Variants in ASB15 observed in about 807,000 individuals in gnomAD.
ASB15 encodes ankyrin repeat and SOCS box containing 15.
ASB15 carries 54 observed loss-of-function variants against 58.0 expected under a neutral mutation model. That is an observed-to-expected ratio of 0.93 (90% confidence interval 0.75 to 1.17). The LOEUF is 1.17. ASB15 is among the 50% of genes most tolerant of loss of function. The pLI is 0.00. For missense variants in ASB15, 680 were observed against 707.4 expected (o/e 0.96, Z 0.44); for synonymous variants, 249 against 262.4 (o/e 0.95, Z 0.50).
At chr7:123,631,537 C>CT (rs1020843263) in intron 11 of ASB15, among the ~76,000 whole-genome samples, 12 of 152,110 alleles carry the variant, frequency 7.9e-5, no homozygotes, top group African/African-American at 2.9e-4. Flanking sequence ...TTGAAAACCA[C>CT]TTCTCTAAGT....
chr7:123,629,019 T>A lies in ASB15; in HGVS notation c.1025T>A (p.Ile342Asn), dbSNP rs778041976. ...GTCAACACTCTACTTGCTGACCACA[T>A]TTCCCAGAGCTATGACGATGAGAGG... is the stretch of plus-strand genomic sequence containing the variant. ...FDVNTLLADH[I>N]SQSYDDERKT... Residue 342 changes from isoleucine to asparagine, a missense_variant, in exon 10 of 12, where the codon ATT becomes AAT. Ile to Asn is a moderately radical substitution (Grantham distance 149). Coordinates refer to ENST00000451215, the MANE Select transcript of ASB15 (RefSeq NM_001290258.2). 5 of 1,613,846 alleles carry A rather than the reference T, an allele frequency of 3.1e-6. No homozygotes were observed. Among genetic ancestry groups the A allele is most frequent in the Middle Eastern group, 1.6e-4 (1 of 6,084 alleles).
chr7:123,593,311 A>G (rs1212491284), intron 1 of ASB15, among the ~76,000 whole-genome samples: 2 of 152,174 alleles, frequency 1.3e-5, no homozygotes, highest in East Asian at 3.9e-4. Flanking sequence ...TGATCCTGCC[A>G]TTATAATGTT....
intron 11 of ASB15, among the ~76,000 whole-genome samples, chr7:123,636,370 C>T (rs1309591967): frequency 6.6e-6 from 1 of 152,114 alleles, no homozygotes. Context: ...TTGGATTATT[C>T]ATGATCTATG....
intron 1 of ASB15, among the ~76,000 whole-genome samples, chr7:123,573,434 T>G (rs889636920): frequency 1.3e-5 from 2 of 152,044 alleles, no homozygotes; most frequent in East Asian, 3.9e-4. Context: ...AAGTCTTATT[T>G]GTTTATGTAT....
intron 4 of ASB15, 132 bp downstream of exon 4, chr7:123,614,741 A>C: frequency 1.5e-6 from 1 of 689,044 alleles, no homozygotes; most frequent in Admixed American, 2.6e-5. Context: ...GGAATCTAAC[A>C]GCTTTCCAAG....
At chr7:123,579,734 A>G (rs947482584) in intron 1 of ASB15, among the ~76,000 whole-genome samples, 16 of 152,080 alleles carry the variant, frequency 1.1e-4, no homozygotes, top group African/African-American at 3.9e-4. Flanking sequence ...CTTTATTAGA[A>G]ACAAATCTAT....
intron 1 of ASB15, among the ~76,000 whole-genome samples, chr7:123,570,222 G>C (rs1174646184): frequency 6.6e-6 from 1 of 151,804 alleles, no homozygotes; most frequent in Non-Finnish European, 1.5e-5. Flanking sequence ...TTTTTTAGTA[G>C]AGACGGGGTT....
At position 123,637,487 on chromosome 7, in the gene ASB15, T is replaced by C. The variant is rs1802483136; in HGVS notation, c.*506T>C. 6.5e-6 allele frequency: 1 copy of C among 153,024 alleles called. No individual in the cohort carries two copies. Among genetic ancestry groups the C allele is most frequent in the Non-Finnish European group, 1.5e-5 (1 of 68,486 alleles). The allele number at this position is 153,024 out of a possible 1,614,324, so 9.5% of individuals were successfully genotyped here. ...TTCAGTCCCTCTTCCAATCGATTCC[T>C]ACAGCATCTAACATTGTTGCCTGTT... On this transcript the variant is annotated 3_prime_UTR_variant, in exon 12 of 12. Coordinates refer to ENST00000451215, the MANE Select transcript of ASB15 (RefSeq NM_001290258.2).
intron 1 of ASB15, among the ~76,000 whole-genome samples, chr7:123,568,255 G>A (rs1798811747): frequency 6.6e-6 from 1 of 152,166 alleles, no homozygotes; most frequent in South Asian, 2.1e-4. Context: ...GCTCACGCCT[G>A]TAATCCCAGC....
chr7:123,613,149 T>C (rs925869879), intron 3 of ASB15, among the ~76,000 whole-genome samples: 7 of 152,092 alleles, frequency 4.6e-5, no homozygotes, highest in African/African-American at 1.2e-4. Context: ...AATATTGCCA[T>C]TGAGTTCATG....
chr7:123,604,000 A>C (rs994607087), intron 1 of ASB15, 32 bp from the exon 2 acceptor site: 1 of 152,370 alleles, frequency 6.6e-6, no homozygotes. Context: ...TGTCACTTTT[A>C]GAAAGAAATG....
intron 1 of ASB15, among the ~76,000 whole-genome samples, chr7:123,590,170 TG>T (rs1175363016): frequency 1.3e-5 from 2 of 152,298 alleles, no homozygotes; most frequent in African/African-American, 4.8e-5. Context: ...TGGGGTTGTT[TG>T]TTTTTTTTCC....
chr7:123,577,211 T>A (rs2116300318), intron 1 of ASB15, among the ~76,000 whole-genome samples: 2 of 152,302 alleles, frequency 1.3e-5, no homozygotes, highest in Middle Eastern at 6.8e-3. Flanking sequence ...TCTTCCATTG[T>A]TGAGTTTTTC....
rs114478107 is a variant in ASB15 at position 123,610,598 on chromosome 7, A to G, written c.-3+1944A>G. On this transcript the variant is annotated intron_variant, in intron 3 of 11. Transcript: ENST00000451215. ...AACATGAAAAAACCTCTGAGATTCC[A>G]TAAGTTCCCTAAAATCGCATGCAAA... Among the ~76,000 whole-genome samples the G allele has an allele frequency of 4.0e-3, 610 of 152,320 alleles. 8 individuals are homozygous for G. The highest frequency in any genetic ancestry group is 0.014 in the African/African-American group (574 of 41,562).
rs770583211 is a variant in ASB15, at chr7:123,617,734, A to G, written c.448A>G (p.Ile150Val). 6.2e-7 allele frequency: 1 copy of G among 1,606,052 alleles called. No individual in the cohort carries two copies. Among genetic ancestry groups the G allele is most frequent in the South Asian group, 1.1e-5 (1 of 90,330 alleles). Reference sequence around the variant, plus strand: ...TGATAAAGGAGAGACCCCCCTTCTGATTGGTAAATGACCTTTTTTTCTAGA... The same window carrying G: ...TGATAAAGGAGAGACCCCCCTTCTGGTTGGTAAATGACCTTTTTTTCTAGA... ...KNDKGETPLL[I>V]AVKKGSYDMV... Residue 150 changes from isoleucine to valine, a missense_variant, in exon 7 of 12, where the codon ATT becomes GTT. Ile to Val is a conservative substitution (Grantham distance 29). Transcript: ENST00000451215.
At chr7:123,572,290 C>A (rs1387676706) in intron 1 of ASB15, among the ~76,000 whole-genome samples, 1 of 151,440 alleles carries the variant, frequency 6.6e-6, no homozygotes, top group East Asian at 1.9e-4. Context: ...TGTAGGCACG[C>A]GCCACCATGC....
chr7:123,568,498 A>G (rs1179225175), intron 1 of ASB15, among the ~76,000 whole-genome samples: 5 of 151,766 alleles, frequency 3.3e-5, no homozygotes, highest in Non-Finnish European at 5.9e-5. Flanking sequence ...TCCAGCCTGA[A>G]CAACAAGAGC....
intron 1 of ASB15, among the ~76,000 whole-genome samples, chr7:123,584,066 G>A (rs1420578584): frequency 6.6e-6 from 1 of 151,880 alleles, no homozygotes; most frequent in African/African-American, 2.4e-5. Context: ...GCTTTGGTGA[G>A]CTCTTCTAGC....
chr7:123,624,980 T>C, intron 8 of ASB15, 166 bp downstream of exon 8: 2 of 767,380 alleles, frequency 2.6e-6, no homozygotes, highest in Non-Finnish European at 4.1e-6. Flanking sequence ...AGTAGACCCT[T>C]ATTCTACAAC....
Sources: gnomAD v4.1 joint callset for allele counts (sites outside exome capture counted in the v4.1 genomes callset) on GRCh38, gnomAD v4.1.1 for gene constraint, MANE v1.5 for transcripts, NCBI Gene and HGNC (gene_info 2026-07-23, HGNC 2026-07-21) for gene names.